CATSPERE: variants seen among roughly 807,000 people sequenced by gnomAD.
CATSPERE encodes the protein catsper channel auxiliary subunit epsilon.
In CATSPERE, 93 loss-of-function variants were observed where a neutral mutation model predicts 114.1. That is an observed-to-expected ratio of 0.81 (90% CI 0.69 to 0.97). The LOEUF (loss-of-function observed/expected upper bound fraction) is 0.97, where lower values mean the gene tolerates loss of function less well. Among genes scored for constraint, CATSPERE ranks in the 50% least tolerant of loss-of-function variants. The probability of loss-of-function intolerance (pLI) is 0.00; values close to 1 mark genes in which losing one functional copy is unlikely to be tolerated. For synonymous variants in CATSPERE, 341 were observed against 384.1 expected (o/e 0.89, Z 1.31); for missense variants, 1,058 against 1,131.6 (o/e 0.93, Z 0.93).
intron 8 of CATSPERE, among the ~76,000 whole-genome samples, chr1:244,552,064 CAAA>C (rs33962480): frequency 5.6e-3 from 344 of 61,352 alleles, no homozygotes; most frequent in African/African-American, 0.02. Flanking sequence ...ACTCTGTCTC[CAAA>C]AAAAAAAAAA....
intron 5 of CATSPERE, among the ~76,000 whole-genome samples, chr1:244,488,016 A>G (rs546217599): frequency 7.2e-5 from 11 of 152,344 alleles, no homozygotes; most frequent in Non-Finnish European, 1.5e-4. Context: ...GAAAGAATTC[A>G]TGAACAATTA....
chr1:244,514,622 G>A (rs1676294962), intron 7 of CATSPERE, among the ~76,000 whole-genome samples: 3 of 152,122 alleles, frequency 2.0e-5, no homozygotes, highest in Admixed American at 1.3e-4. Flanking sequence ...GAGGTCAGGA[G>A]ATTGAGACTA....
At chr1:244,594,123 C>T (rs1668073439) in intron 17 of CATSPERE, among the ~76,000 whole-genome samples, 1 of 152,070 alleles carries the variant, frequency 6.6e-6, no homozygotes. Context: ...AGATCGAGAT[C>T]AGCATAGGCA....
Position 244,573,410 on chromosome 1 carries a change from CAAAA to C in CATSPERE, c.1950+641_1950+644del, listed in dbSNP as rs994674158. Among the ~76,000 whole-genome samples, 1 of 120,960 alleles carries C rather than the reference CAAAA, an allele frequency of 8.3e-6. No individual in the cohort carries two copies. Among genetic ancestry groups the C allele is most frequent in the African/African-American group, 3.6e-5 (1 of 27,946 alleles). 79.4% of individuals were successfully genotyped at this position (120,960 alleles called of 152,430 possible). On this transcript the variant is annotated intron_variant, in intron 11 of 21. Coordinates refer to ENST00000366534, the MANE Select transcript of CATSPERE (RefSeq NM_001130957.2). This position sits in a 1 kb window ranked among gnomAD's most constrained non-coding sequence, Gnocchi z 4.0. ...TGGGTGACAGAGTGAGACTCCCTCTCAAAAAACAAAACAAAACAAAACAAAACAA... is the reference window on the plus strand; with the variant it reads ...TGGGTGACAGAGTGAGACTCCCTCTCAACAAAACAAAACAAAACAAAACAA...
chr1:244,574,054 G>T (rs554813523), intron 11 of CATSPERE, among the ~76,000 whole-genome samples: 25 of 152,198 alleles, frequency 1.6e-4, no homozygotes, highest in Non-Finnish European at 3.4e-4. Flanking sequence ...TACAGGGCTT[G>T]TCCTTGCTAC....
At chr1:244,593,453 A>C in intron 16 of CATSPERE, 25 bp downstream of exon 16, 5 of 1,613,696 alleles carry the variant, frequency 3.1e-6, no homozygotes, top group Non-Finnish European at 3.4e-6. Flanking sequence ...AAATTCTGTC[A>C]ATGGACCAAA....
intron 6 of CATSPERE, among the ~76,000 whole-genome samples, chr1:244,494,304 G>C (rs533129022): frequency 3.9e-5 from 6 of 151,930 alleles, no homozygotes; most frequent in Admixed American, 3.9e-4. Context: ...CCTTTGTAGG[G>C]ACATGGATGA....
intron 20 of CATSPERE, among the ~76,000 whole-genome samples, chr1:244,623,173 G>A (rs954570936): frequency 6.6e-6 from 1 of 151,974 alleles, no homozygotes; most frequent in African/African-American, 2.4e-5. Context: ...CACCTCCCGG[G>A]TTCAAGCGAT....
intron 17 of CATSPERE, among the ~76,000 whole-genome samples, chr1:244,600,993 T>C (rs1430202856): frequency 2.0e-5 from 3 of 152,066 alleles, no homozygotes; most frequent in African/African-American, 7.2e-5. Flanking sequence ...ACAATCTGAA[T>C]AATATAGAAA....
rs1431285814 is a variant in CATSPERE at position 244,633,447 on chromosome 1, T to C, written c.2649-2042T>C. ...CACACAGCTGGGTTGTTTACTACTA[T>C]GTATAATTTTTCCATATGGCCCACT... On this transcript the variant is annotated intron_variant, in intron 20 of 21. Transcript: ENST00000366534. The surrounding 1 kb of genome is among the most constrained non-coding windows in gnomAD (Gnocchi z 4.1). Among the ~76,000 whole-genome samples, 3 of 152,308 alleles carry C rather than the reference T, an allele frequency of 2.0e-5. No homozygotes were observed. The East Asian group carries it at 5.8e-4, about 29-fold the overall frequency.
At chr1:244,608,535 CAA>C (rs150288682) in intron 18 of CATSPERE, among the ~76,000 whole-genome samples, 31 of 111,826 alleles carry the variant, frequency 2.8e-4, no homozygotes, top group South Asian at 2.9e-4. Context: ...GATCCTGTCT[CAA>C]AAAAAAAAAA....
chr1:244,518,480 C>T (rs765538663), intron 7 of CATSPERE, 112 bp from the exon 8 acceptor site: 3 of 673,454 alleles, frequency 4.5e-6, no homozygotes, highest in Non-Finnish European at 7.6e-6. Context: ...GGTAAATTTA[C>T]AAATGTAAGC....
chr1:244,625,406 TTATA>T (rs35736130), intron 20 of CATSPERE, among the ~76,000 whole-genome samples: 8 of 12,876 alleles, frequency 6.2e-4, no homozygotes, highest in African/African-American at 1.8e-3. Flanking sequence ...TTATTATTAT[TTATA>T]TATATATATA....
intron 15 of CATSPERE, among the ~76,000 whole-genome samples, chr1:244,592,500 C>T (rs1293883492): frequency 6.6e-6 from 1 of 151,784 alleles, no homozygotes; most frequent in Non-Finnish European, 1.5e-5. Flanking sequence ...CTTTGAAAAG[C>T]TATGAAATTT....
chr1:244,491,833 A>G (rs995769594), intron 6 of CATSPERE, among the ~76,000 whole-genome samples: 2 of 152,252 alleles, frequency 1.3e-5, no homozygotes, highest in African/African-American at 2.4e-5. Context: ...CAAATAAACT[A>G]GAAAATCCAG....
In CATSPERE at chr1:244,633,227, G is replaced by C. The variant is rs1305783621; in HGVS notation, c.2649-2262G>C. 1.3e-5 allele frequency among the ~76,000 whole-genome samples: 2 copies of C among 152,190 alleles called. No individual in the cohort carries two copies. The highest frequency in any genetic ancestry group is 2.9e-5 in the Non-Finnish European group (2 of 68,030). ...GATAGGACAAGTAGAGAGAAAATCA[G>C]TAAGGATACAGAATACCTAACTGTG... On this transcript the variant is annotated intron_variant, in intron 20 of 21. Coordinates refer to ENST00000366534, the MANE Select transcript of CATSPERE (RefSeq NM_001130957.2). The surrounding 1 kb of genome is among the most constrained non-coding windows in gnomAD (Gnocchi z 4.1).
At position 244,531,582 on chromosome 1, in the gene CATSPERE, A is replaced by G. The variant is rs527258917; in HGVS notation, c.536+12884A>G. 1.4e-4 allele frequency among the ~76,000 whole-genome samples: 21 copies of G among 152,290 alleles called. No individual in the cohort carries two copies. The Middle Eastern group carries it at 0.01, about 74-fold the overall frequency. On this transcript the variant is annotated intron_variant, in intron 8 of 21. Transcript: ENST00000366534. ...CAAATGCTTTTCGGTATTAATTGAAATGATCATATGGCTTTTATACTTCAT... is the reference window on the plus strand; with the variant it reads ...CAAATGCTTTTCGGTATTAATTGAAGTGATCATATGGCTTTTATACTTCAT...
In CATSPERE at chr1:244,568,301, C is replaced by T. The variant is rs1354477341; in HGVS notation, c.1508-4029C>T. Among the ~76,000 whole-genome samples, 2 of 152,206 alleles carry T rather than the reference C, an allele frequency of 1.3e-5. No homozygotes were observed. Among genetic ancestry groups the T allele is most frequent in the African/African-American group, 4.8e-5 (2 of 41,460 alleles). ...TCAACCCCTGCTAGGAGGTGTCTTC[C>T]AGTCAGGAGACACAGGGGTCAGGGA... On this transcript the variant is annotated intron_variant, in intron 10 of 21. Coordinates refer to ENST00000366534, the MANE Select transcript of CATSPERE (RefSeq NM_001130957.2). The surrounding 1 kb of genome is among the most constrained non-coding windows in gnomAD (Gnocchi z 4.4).
At chr1:244,549,520 G>A (rs1472189135) in intron 8 of CATSPERE, among the ~76,000 whole-genome samples, 1 of 151,908 alleles carries the variant, frequency 6.6e-6, no homozygotes, top group Non-Finnish European at 1.5e-5. Context: ...TATTAACTTT[G>A]TATTTAAGTA....
Sources: gnomAD v4.1 joint callset for allele counts (sites outside exome capture counted in the v4.1 genomes callset) on GRCh38, gnomAD v4.1.1 for gene constraint, Gnocchi (gnomAD v3.1) non-coding constraint, MANE v1.5 for transcripts, NCBI Gene and HGNC (gene_info 2026-07-23, HGNC 2026-07-21) for gene names.